FREM2: variants seen among roughly 807,000 people sequenced by gnomAD.
The protein encoded by FREM2 is FRAS1-related extracellular matrix protein 2.
In FREM2, 119 loss-of-function variants were observed where a neutral mutation model predicts 219.9. The ratio of observed to expected loss-of-function variants is 0.54; its 90% confidence interval spans 0.47 to 0.63. The LOEUF is 0.63. Among genes scored for constraint, FREM2 ranks in the 30% least tolerant of loss-of-function variants. The pLI, the probability that FREM2 is intolerant of heterozygous loss-of-function variation, is 0.00. For synonymous variants in FREM2, 1,562 were observed against 1,522.8 expected, an observed-to-expected ratio of 1.03 and a Z score of -0.60; for missense variants, 4,030 against 3,993.6, an observed-to-expected ratio of 1.01 and a Z score of -0.25.
At chr13:38,840,743 C>T (rs985257150) in intron 6 of FREM2, among the ~76,000 whole-genome samples, 2 of 144,246 alleles carry the variant, frequency 1.4e-5, no homozygotes, top group Admixed American at 7.2e-5. Flanking sequence ...CACACACACA[C>T]ACATACATAT....
In FREM2 at chr13:38,691,053, C is replaced by A; in HGVS notation, c.3709C>A (p.His1237Asn). 6.2e-7 allele frequency: 1 copy of A among 1,614,060 alleles called. No homozygotes were observed. The highest frequency in any genetic ancestry group is 8.5e-7 in the Non-Finnish European group (1 of 1,180,016). Residue 1237 changes from histidine (H) to asparagine (N), a missense_variant, in exon 1 of 24, where the codon CAC becomes AAC. Around this residue, in one of 2 missense-constraint regions of FREM2, gnomAD observed 3,102 missense variants for 2,950.7 expected, o/e 1.05. Coordinates refer to ENST00000280481, the MANE Select transcript of FREM2 (RefSeq NM_207361.6). ...TATTACCCAATTCCCCACTCATGGT[C>A]ACATCATGAATCAGCTGATAAATGG... Reference protein sequence around the residue: ...FTITQFPTHGHIMNQLINGTV... With the variant: ...FTITQFPTHGNIMNQLINGTV...
chr13:38,784,112 A>C (rs562001456), intron 5 of FREM2, among the ~76,000 whole-genome samples: 1 of 152,312 alleles, frequency 6.6e-6, no homozygotes, highest in Admixed American at 6.5e-5. Context: ...AAAAAAGCTG[A>C]CTTCAGGACC....
At chr13:38,830,796 C>T (rs1481759844) in intron 6 of FREM2, among the ~76,000 whole-genome samples, 1 of 152,146 alleles carries the variant, frequency 6.6e-6, no homozygotes, top group Non-Finnish European at 1.5e-5. Context: ...GGGTTGCTGT[C>T]CTGTGTCAGC....
chr13:38,710,185 C>G (rs995592044), intron 2 of FREM2, among the ~76,000 whole-genome samples: 1 of 151,878 alleles, frequency 6.6e-6, no homozygotes, highest in African/African-American at 2.4e-5. Context: ...GAGACTCTGT[C>G]ACGAAACAAC....
At chr13:38,824,648 G>T (rs1876201549) in intron 6 of FREM2, among the ~76,000 whole-genome samples, 1 of 151,994 alleles carries the variant, frequency 6.6e-6, no homozygotes, top group Non-Finnish European at 1.5e-5. Flanking sequence ...GTCCTCTTGA[G>T]CTGAGTTGGT....
chr13:38,840,249 C>T (rs1304450264), intron 6 of FREM2, among the ~76,000 whole-genome samples: 1 of 151,882 alleles, frequency 6.6e-6, no homozygotes, highest in Admixed American at 6.6e-5. Flanking sequence ...GAGGCAACGC[C>T]CCACCCTGCT....
At chr13:38,727,402 A>G (rs1265502209) in intron 2 of FREM2, among the ~76,000 whole-genome samples, 1 of 152,132 alleles carries the variant, frequency 6.6e-6, no homozygotes, top group African/African-American at 2.4e-5. Flanking sequence ...TCACTTGAAC[A>G]TGGGAGGTGG....
At chr13:38,723,983 G>A (rs780188232) in intron 2 of FREM2, among the ~76,000 whole-genome samples, 10 of 152,176 alleles carry the variant, frequency 6.6e-5, no homozygotes, top group African/African-American at 1.2e-4. Flanking sequence ...TCTGCAGCCC[G>A]TGTTCTTACT....
At chr13:38,694,450 TA>T (rs1203326309) in intron 1 of FREM2, among the ~76,000 whole-genome samples, 2 of 152,214 alleles carry the variant, frequency 1.3e-5, no homozygotes, top group African/African-American at 4.8e-5. Flanking sequence ...ATAAGTGATT[TA>T]AAAAACGGAG....
rs144781368 is a variant in FREM2 at position 38,710,558 on chromosome 13, G to T, written c.5263+12771G>T. Among the ~76,000 whole-genome samples the T allele has an allele frequency of 2.6e-3, 393 of 152,260 alleles. 1 individual carries two copies. Among genetic ancestry groups the T allele is most frequent in the African/African-American group, 8.7e-3 (361 of 41,550 alleles). ...AGCCCTAAATGTACCACTCTGTACT[G>T]GAACTCCTTATATACATTTGTGTTT... On this transcript the variant is annotated intron_variant, in intron 2 of 23. Transcript: ENST00000280481.
chr13:38,725,220 G>C (rs1318420859), intron 2 of FREM2, among the ~76,000 whole-genome samples: 1 of 152,110 alleles, frequency 6.6e-6, no homozygotes, highest in Non-Finnish European at 1.5e-5. Context: ...CCAATTTTGT[G>C]TCAAGTACAG....
intron 3 of FREM2, among the ~76,000 whole-genome samples, 179 bp downstream of exon 3, chr13:38,764,629 C>T (rs562240538): frequency 6.6e-6 from 1 of 152,250 alleles, no homozygotes; most frequent in East Asian, 1.9e-4. Flanking sequence ...CTCTTCAAGC[C>T]TTCTGTGTAC....
At position 38,851,554 on chromosome 13, in the gene FREM2, G is replaced by C; in HGVS notation, c.6743-132G>C. 4.0e-6 allele frequency: 3 copies of C among 746,194 alleles called. No individual in the cohort carries two copies. The South Asian group carries it at 4.9e-5, about 12-fold the overall frequency. The allele number at this position is 746,194 out of a possible 1,614,324, so 46.2% of individuals were successfully genotyped here. A position where few individuals can be genotyped will look rare whatever the true frequency, so the allele number is the denominator to read the frequency against. ...CTTCCACACACGTCACTAATTTTGA[G>C]TGAGGGGACAGAGAGAAGCCAGGAG... On this transcript the variant is annotated intron_variant, in intron 10 of 23. Coordinates refer to ENST00000280481, the MANE Select transcript of FREM2 (RefSeq NM_207361.6).
intron 6 of FREM2, among the ~76,000 whole-genome samples, chr13:38,785,338 C>T (rs1874283835): frequency 6.6e-6 from 1 of 152,076 alleles, no homozygotes; most frequent in Admixed American, 6.6e-5. Context: ...AACTAAATTG[C>T]CATGAAGTAG....
intron 6 of FREM2, among the ~76,000 whole-genome samples, chr13:38,821,088 G>C (rs1312206178): frequency 1.3e-5 from 2 of 152,114 alleles, no homozygotes; most frequent in African/African-American, 4.8e-5. Flanking sequence ...GTCTCATTAG[G>C]AGTCCTTATG....
At chr13:38,772,074 A>T (rs780144805) in intron 4 of FREM2, among the ~76,000 whole-genome samples, 72 of 152,110 alleles carry the variant, frequency 4.7e-4, no homozygotes, top group Admixed American at 2.0e-4. Flanking sequence ...AGCTCTTTGC[A>T]TATAAATTCA....
intron 6 of FREM2, among the ~76,000 whole-genome samples, chr13:38,796,129 C>G (rs1378812181): frequency 6.6e-6 from 1 of 152,074 alleles, no homozygotes; most frequent in African/African-American, 2.4e-5. Flanking sequence ...AAACAGGTAC[C>G]TGGATCTCAT....
chr13:38,811,774 C>T (rs947307202), intron 6 of FREM2, among the ~76,000 whole-genome samples: 2 of 152,030 alleles, frequency 1.3e-5, no homozygotes, highest in African/African-American at 4.8e-5. Context: ...ATGTATTCTG[C>T]AGTTGTTGGA....
At chr13:38,860,540 T>C (rs1370939769) in intron 14 of FREM2, among the ~76,000 whole-genome samples, 1 of 152,238 alleles carries the variant, frequency 6.6e-6, no homozygotes, top group African/African-American at 2.4e-5. Context: ...GGATCAAATA[T>C]TTAAATAATG....
Sources: gnomAD v4.1 joint callset for allele counts (sites outside exome capture counted in the v4.1 genomes callset) on GRCh38, gnomAD v4.1.1 for gene constraint, gnomAD v4.1.1 regional missense constraint, MANE v1.5 for transcripts, NCBI Gene and HGNC (gene_info 2026-07-23, HGNC 2026-07-21) for gene names.